The following ACR variants were observed in gnomAD, a reference collection of about 807,000 sequenced individuals.
ACR encodes the protein acrosin light and heavy chain prepropeptide.
Under a neutral mutation model 26.0 loss-of-function variants are expected in ACR, and 17 were observed. That is an observed-to-expected ratio of 0.65 (90% CI 0.45 to 0.98). The LOEUF is 0.98. Ranked by LOEUF, ACR falls within the 50% of genes least tolerant of loss-of-function variation. The probability of loss-of-function intolerance (pLI) is 0.00; values close to 1 mark genes in which losing one functional copy is unlikely to be tolerated. For missense variants in ACR, 435 were observed against 519.3 expected, an observed-to-expected ratio of 0.84 and a Z score of 1.58; for synonymous variants, 199 against 207.7, an observed-to-expected ratio of 0.96 and a Z score of 0.36.
chr22:50,741,046 T>C (rs4040045), intron 3 of ACR, among the ~76,000 whole-genome samples: 10 of 152,198 alleles, frequency 6.6e-5, no homozygotes, highest in Admixed American at 6.5e-4. Context: ...CAGCTTTCCA[T>C]AAGTGGTGCA....
At chr22:50,742,348 T>C (rs970174346) in intron 3 of ACR, among the ~76,000 whole-genome samples, 18 of 151,806 alleles carry the variant, frequency 1.2e-4, no homozygotes, top group African/African-American at 4.4e-4. Flanking sequence ...ATCGAGACCA[T>C]CCTGGCTAAC....
At chr22:50,741,458 T>C (rs1266287693) in intron 3 of ACR, among the ~76,000 whole-genome samples, 1 of 151,900 alleles carries the variant, frequency 6.6e-6, no homozygotes, top group African/African-American at 2.4e-5. Flanking sequence ...GTCCCTATGT[T>C]CCTGGGAGGC....
At chr22:50,742,543 C>CAAA (rs71318831) in intron 3 of ACR, among the ~76,000 whole-genome samples, 2 of 132,738 alleles carry the variant, frequency 1.5e-5, no homozygotes, top group African/African-American at 2.8e-5. Context: ...GACTCCGTCT[C>CAAA]AAAAAAAAAA....
chr22:50,739,901 G>A lies in ACR; in HGVS notation c.489G>A (p.Leu163=). 1 of 1,613,790 alleles carries A rather than the reference G, an allele frequency of 6.2e-7. No homozygotes were observed. The highest frequency in any genetic ancestry group is 8.5e-7 in the Non-Finnish European group (1 of 1,179,818). ...SCGRFIGPGC[L]PHFKAGLPRG... is the part of the protein sequence containing the mutation. ...GGCGCTTCATTGGGCCGGGCTGCCT[G>A]CCCCACTTTAAGGCAGGCCTCCCCA... is the stretch of plus-strand genomic sequence containing the variant. Residue 163 remains leucine, a synonymous_variant, in exon 3 of 5, where the codon CTG becomes CTA. Transcript: ENST00000216139. This position sits in a 1 kb window ranked among gnomAD's most constrained non-coding sequence, Gnocchi z 5.5.
In ACR at chr22:50,744,943, A is replaced by C. The variant is rs1376535352; in HGVS notation, c.1002A>C (p.Pro334=). The C allele has an allele frequency of 2.0e-6, 3 of 1,467,848 alleles. No individual in the cohort carries two copies. The highest frequency in any genetic ancestry group is 1.3e-5 in the South Asian group (1 of 77,528). 90.9% of individuals were successfully genotyped at this position (1,467,848 alleles called of 1,614,324 possible). The change falls in exon 5 of 5, where the codon CCA becomes CCC. Residue 334 remains proline (P), a synonymous_variant. Coordinates refer to ENST00000216139, the MANE Select transcript of ACR (RefSeq NM_001097.3). ...LPWYFQPPPR[P]LPPRPPAAQP... ...GGTATTTCCAACCGCCCCCTCGACCACTTCCACCCCGACCACCGGCAGCCC... is the reference window on the plus strand; with the variant it reads ...GGTATTTCCAACCGCCCCCTCGACCCCTTCCACCCCGACCACCGGCAGCCC...
chr22:50,740,948 C>G (rs559530901), intron 3 of ACR: 1 of 492,326 alleles, frequency 2.0e-6, no homozygotes, highest in South Asian at 2.5e-5. Context: ...CAACAGGTGA[C>G]CCCATTAAAT....
chr22:50,739,302 C>T lies in ACR; in HGVS notation c.109C>T (p.Pro37Ser), dbSNP rs1325473273. The change falls in exon 2 of 5, where the codon CCA becomes TCA. Residue 37 changes from proline (P) to serine (S), a missense_variant. By Grantham distance (74) the Pro-to-Ser change is moderately conservative (BLOSUM62 -1). This residue lies in a region of ACR where 314 missense variants were observed against 372.0 expected (regional missense o/e 0.84). Transcript: ENST00000216139. This position sits in a 1 kb window ranked among gnomAD's most constrained non-coding sequence, Gnocchi z 5.5. Reference protein sequence around the residue: ...GPCGLRFRQNPQGGVRIVGGK... With the variant: ...GPCGLRFRQNSQGGVRIVGGK... ...CTGTGGGTTACGGTTCAGGCAAAAC[C>T]CACAGGGTGGTGTCCGCATCGTCGG... 6.3e-7 allele frequency: 1 copy of T among 1,594,964 alleles called. No individual in the cohort carries two copies. Among genetic ancestry groups the T allele is most frequent in the South Asian group, 1.1e-5 (1 of 88,308 alleles).
Position 50,744,870 on chromosome 22 carries a change from C to G in ACR, c.929C>G (p.Pro310Arg). 1.3e-6 allele frequency: 2 copies of G among 1,598,678 alleles called. No individual in the cohort carries two copies. The highest frequency in any genetic ancestry group is 1.7e-6 in the Non-Finnish European group (2 of 1,174,480). ...CCTCCACCTCCCACCACTCGACCGCCCCCGATTCGACCCCCCTTCTCCCAC... is the reference window on the plus strand; with the variant it reads ...CCTCCACCTCCCACCACTCGACCGCGCCCGATTCGACCCCCCTTCTCCCAC... ...ATPPPPTTRP[P>R]PIRPPFSHPI... The change falls in exon 5 of 5, where the codon CCC becomes CGC. Residue 310 changes from proline to arginine, a missense_variant. Transcript: ENST00000216139.
intron 3 of ACR, 198 bp downstream of exon 3, chr22:50,740,175 G>C: frequency 1.3e-6 from 1 of 741,016 alleles, no homozygotes; most frequent in East Asian, 2.7e-5. Flanking sequence ...GCTGTCTACG[G>C]GGGGGCTGAC....
chr22:50,742,267 G>A (rs1227746059), intron 3 of ACR, among the ~76,000 whole-genome samples: 7 of 152,072 alleles, frequency 4.6e-5, no homozygotes, highest in South Asian at 4.1e-4. Flanking sequence ...CATCTTGGCC[G>A]GGCGCGGTGG....
In ACR at chr22:50,745,070, A is replaced by G. The variant is rs2083444644; in HGVS notation, c.1129A>G (p.Lys377Glu). Residue 377 changes from lysine to glutamate, a missense_variant, in exon 5 of 5, where the codon AAA becomes GAA. Lys to Glu is a moderately conservative substitution (Grantham distance 56, BLOSUM62 1). Coordinates refer to ENST00000216139, the MANE Select transcript of ACR (RefSeq NM_001097.3). ...PPPPTPSSTTKLPQGLSFAKR... is the reference protein window; with the variant it reads ...PPPPTPSSTTELPQGLSFAKR... ...CCCACCTACACCCTCATCTACCACAAAACTTCCCCAAGGACTTTCTTTTGC... is the reference window on the plus strand; with the variant it reads ...CCCACCTACACCCTCATCTACCACAGAACTTCCCCAAGGACTTTCTTTTGC... The G allele has an allele frequency of 1.9e-6, 1 of 521,028 alleles. No individual in the cohort carries two copies. Among genetic ancestry groups the G allele is most frequent in the African/African-American group, 3.4e-5 (1 of 29,142 alleles). 32.3% of individuals were successfully genotyped at this position (521,028 alleles called of 1,614,324 possible).
At position 50,739,213 on chromosome 22, in the gene ACR, G is replaced by T; in HGVS notation, c.78-58G>T. ...GTCCCTGCCTCCCCTCAGTTGTGGA[G>T]TTACAAGGACAGGCTGTGCTCATGC... On this transcript the variant is annotated intron_variant, in intron 1 of 4. Transcript: ENST00000216139. The surrounding 1 kb of genome is among the most constrained non-coding windows in gnomAD (Gnocchi z 5.5). 2.0e-6 allele frequency: 3 copies of T among 1,468,178 alleles called. No individual in the cohort carries two copies. The highest frequency in any genetic ancestry group is 2.8e-6 in the Non-Finnish European group (3 of 1,075,250). The allele number at this position is 1,468,178 out of a possible 1,614,324, so 90.9% of individuals were successfully genotyped here.
At chr22:50,743,243 G>C (rs1283859275) in intron 3 of ACR, among the ~76,000 whole-genome samples, 1 of 151,998 alleles carries the variant, frequency 6.6e-6, no homozygotes, top group African/African-American at 2.4e-5. Flanking sequence ...CACCGTGTTA[G>C]CCAGGATGGT....
intron 3 of ACR, among the ~76,000 whole-genome samples, chr22:50,742,492 C>G (rs914845462): frequency 6.7e-6 from 1 of 148,866 alleles, no homozygotes; most frequent in East Asian, 2.0e-4. Flanking sequence ...TGCAGTGAGC[C>G]GAGATGGCGC....
Position 50,739,435 on chromosome 22 carries a change from G to C in ACR, c.242G>C (p.Arg81Pro). 1.9e-6 allele frequency: 3 copies of C among 1,614,210 alleles called. No homozygotes were observed. Among genetic ancestry groups the C allele is most frequent in the Non-Finnish European group, 2.5e-6 (3 of 1,180,038 alleles). ...TGTGGAGGCAGCTTGCTGAATTCAC[G>C]ATGGGTGCTCACTGCTGCTCACTGC... ...HTCGGSLLNS[R>P]WVLTAAHCFV... Residue 81 changes from arginine (R) to proline (P), a missense_variant, in exon 2 of 5, where the codon CGA (arginine) becomes CCA (proline). By Grantham distance (103) the Arg-to-Pro change is moderately radical. Transcript: ENST00000216139. This position sits in a 1 kb window ranked among gnomAD's most constrained non-coding sequence, Gnocchi z 5.5.
In ACR at chr22:50,744,675, T is replaced by C. The variant is rs1356966511; in HGVS notation, c.734T>C (p.Met245Thr). ...CAGGGAGACAGCGGCGGGCCTCTCA[T>C]GTGCAAAGACAGCAAGGAAAGCGCC... ...TCQGDSGGPL[M>T]CKDSKESAYV... is the part of the protein sequence containing the mutation. The change falls in exon 5 of 5, where the codon ATG (methionine) becomes ACG (threonine). Residue 245 changes from methionine (M) to threonine (T), a missense_variant. Physicochemically the swap from Met to Thr is moderately conservative, Grantham distance 81. Around this residue, in one of 3 missense-constraint regions of ACR, gnomAD observed 314 missense variants for 372.0 expected, o/e 0.84. Transcript: ENST00000216139. 4.3e-6 allele frequency: 7 copies of C among 1,612,380 alleles called. No individual in the cohort carries two copies. Among genetic ancestry groups the C allele is most frequent in the South Asian group, 1.1e-5 (1 of 91,042 alleles).
chr22:50,738,440 C>A (rs2083408683), intron 1 of ACR, 128 bp downstream of exon 1: 1 of 957,266 alleles, frequency 1.0e-6, no homozygotes, highest in Admixed American at 2.1e-5. Context: ...CTCCCAGAAT[C>A]AGCAGCCTGG....
At position 50,739,497 on chromosome 22, in the gene ACR, G is replaced by A. The variant is rs1460591842; in HGVS notation, c.281+23G>A. On this transcript the variant is annotated intron_variant, in intron 2 of 4. Transcript: ENST00000216139. The surrounding 1 kb of genome is among the most constrained non-coding windows in gnomAD (Gnocchi z 5.5). ...AAAGTACGTGTAGGGATGCACTGAGGGAGGTCTTCAGAACGGCTCTTCTCA... is the reference window on the plus strand; with the variant it reads ...AAAGTACGTGTAGGGATGCACTGAGAGAGGTCTTCAGAACGGCTCTTCTCA... 6.2e-7 allele frequency: 1 copy of A among 1,613,398 alleles called. No individual in the cohort carries two copies. The highest frequency in any genetic ancestry group is 1.3e-5 in the African/African-American group (1 of 74,896).
rs780676985 is a variant in ACR at position 50,740,706 on chromosome 22, C to G, written c.565+729C>G. 4 of 702,414 alleles carry G rather than the reference C, an allele frequency of 5.7e-6. No individual in the cohort carries two copies. The African/African-American group carries it at 7.0e-5, about 12-fold the overall frequency. The allele number at this position is 702,414 out of a possible 1,614,324, so 43.5% of individuals were successfully genotyped here. ...AGCTCTGTCCATAACCAAGCTGTCT[C>G]TCTCTCCCCTGGCTCCCAGAAGATC... On this transcript the variant is annotated intron_variant, in intron 3 of 4. Transcript: ENST00000216139.
Sources: allele counts gnomAD v4.1 joint callset (sites outside exome capture counted in the v4.1 genomes callset), GRCh38; gene constraint gnomAD v4.1.1; regional missense constraint gnomAD v4.1.1; non-coding constraint Gnocchi (gnomAD v3.1); transcripts MANE v1.5; gene names NCBI Gene and HGNC (gene_info 2026-07-23, HGNC 2026-07-21).